ITGA9: variants seen among roughly 807,000 people sequenced by gnomAD.
ITGA9 encodes the protein integrin subunit alpha 9.
A neutral mutation model predicts 127.8 loss-of-function variants in ITGA9; 56 were observed. The observed-to-expected ratio is 0.44, with a 90% CI of 0.35 to 0.55. The LOEUF is 0.55. Ranked by LOEUF, ITGA9 falls within the 20% of genes least tolerant of loss-of-function variation. ITGA9 has a pLI of 0.00. For missense variants in ITGA9, 1,196 were observed against 1,347.1 expected (o/e 0.89, Z 1.76); for synonymous variants, 508 against 514.5 (o/e 0.99, Z 0.17).
At chr3:37,811,412 C>A (rs1384549022) in intron 27 of ITGA9, among the ~76,000 whole-genome samples, 2 of 152,136 alleles carry the variant, frequency 1.3e-5, no homozygotes, top group African/African-American at 2.4e-5. Flanking sequence ...GTGTGACTGG[C>A]ACCTTTAAGA....
At chr3:37,654,816 T>A (rs960050789) in intron 17 of ITGA9, among the ~76,000 whole-genome samples, 3 of 152,070 alleles carry the variant, frequency 2.0e-5, no homozygotes, top group Non-Finnish European at 4.4e-5. Flanking sequence ...CTACATTAGG[T>A]ATTTCTCCTA....
At chr3:37,691,162 G>A (rs1700828445) in intron 18 of ITGA9, among the ~76,000 whole-genome samples, 1 of 152,172 alleles carries the variant, frequency 6.6e-6, no homozygotes, top group Admixed American at 6.5e-5. Context: ...AAGTGGGCTG[G>A]AGCACCCTGA....
chr3:37,618,767 C>G (rs112184679), intron 15 of ITGA9, among the ~76,000 whole-genome samples: 2 of 152,218 alleles, frequency 1.3e-5, no homozygotes, highest in East Asian at 1.9e-4. Flanking sequence ...GAGCTAGGCA[C>G]GGGATATAAT....
At chr3:37,501,739 C>T (rs570126092) in intron 5 of ITGA9, among the ~76,000 whole-genome samples, 124 of 152,010 alleles carry the variant, frequency 8.2e-4, no homozygotes, top group Non-Finnish European at 1.6e-3. Flanking sequence ...TTGAATACTG[C>T]GAAAGGGTTA....
intron 15 of ITGA9, among the ~76,000 whole-genome samples, chr3:37,619,587 G>A (rs1485594131): frequency 6.6e-6 from 1 of 152,174 alleles, no homozygotes; most frequent in Admixed American, 6.5e-5. Context: ...AATGGGGCAG[G>A]TATTAGTTTT....
intron 15 of ITGA9, among the ~76,000 whole-genome samples, chr3:37,556,725 C>T (rs150784751): frequency 2.0e-5 from 3 of 152,338 alleles, no homozygotes; most frequent in African/African-American, 7.2e-5. Flanking sequence ...CCAAAAGTTA[C>T]AGGGGAAAAC....
At position 37,629,254 on chromosome 3, in the gene ITGA9, C is replaced by G; in HGVS notation, c.1757C>G (p.Thr586Ser). ...GCCTACAGCCTCAGTGAGCATGTGA[C>G]TGGAGAGGAGGAGAGGGAACTGCCG... Reference protein sequence around the residue: ...EAAYSLSEHVTGEEERELPPL... With the variant: ...EAAYSLSEHVSGEEERELPPL... The change falls in exon 16 of 28, where the codon ACT becomes AGT. Residue 586 changes from threonine to serine, a missense_variant. Coordinates refer to ENST00000264741, the MANE Select transcript of ITGA9 (RefSeq NM_002207.3). This position sits in a 1 kb window ranked among gnomAD's most constrained non-coding sequence, Gnocchi z 4.5. The G allele has an allele frequency of 6.2e-7, 1 of 1,613,938 alleles. No individual in the cohort carries two copies. Among genetic ancestry groups the G allele is most frequent in the Non-Finnish European group, 8.5e-7 (1 of 1,179,998 alleles).
intron 18 of ITGA9, among the ~76,000 whole-genome samples, chr3:37,692,864 G>A (rs1229500241): frequency 2.6e-5 from 4 of 152,144 alleles, no homozygotes; most frequent in Non-Finnish European, 4.4e-5. Context: ...GGAGGAGTGC[G>A]GTATGGGATT....
At chr3:37,761,301 A>C (rs1696720499) in intron 23 of ITGA9, among the ~76,000 whole-genome samples, 1 of 152,196 alleles carries the variant, frequency 6.6e-6, no homozygotes, top group Non-Finnish European at 1.5e-5. Context: ...TAACTACCAA[A>C]ATTTAAAATA....
chr3:37,556,506 C>G (rs1699432525), intron 15 of ITGA9, among the ~76,000 whole-genome samples: 1 of 152,218 alleles, frequency 6.6e-6, no homozygotes, highest in Non-Finnish European at 1.5e-5. Flanking sequence ...TTCTTTCTCT[C>G]TGGACCAGAG....
chr3:37,736,173 C>T (rs1696358914), intron 19 of ITGA9, among the ~76,000 whole-genome samples: 1 of 152,140 alleles, frequency 6.6e-6, no homozygotes, highest in Non-Finnish European at 1.5e-5. Context: ...TTCCAAAGAC[C>T]CCATCTCCAC....
chr3:37,785,008 G>A lies in ITGA9; in HGVS notation c.2819G>A (p.Arg940His), dbSNP rs767333339. Reference sequence around the variant, plus strand: ...TCGTCTGTCATCCAGTTCATGTCCCGCGCCAAGGTGAAGGTGGATCCTGCC... The same window carrying A: ...TCGTCTGTCATCCAGTTCATGTCCCACGCCAAGGTGAAGGTGGATCCTGCC... ...DSSSVIQFMS[R>H]AKVKVDPALR... The change falls in exon 26 of 28, where the codon CGC (arginine) becomes CAC (histidine). Residue 940 changes from arginine to histidine, a missense_variant. Physicochemically the swap from Arg to His is conservative, Grantham distance 29. Transcript: ENST00000264741. 24 of 1,613,934 alleles carry A rather than the reference G, an allele frequency of 1.5e-5. No individual in the cohort carries two copies. The highest frequency in any genetic ancestry group is 9.9e-5 in the South Asian group (9 of 91,072).
At chr3:37,769,204 G>C (rs560303933) in intron 23 of ITGA9, among the ~76,000 whole-genome samples, 1 of 151,990 alleles carries the variant, frequency 6.6e-6, no homozygotes, top group African/African-American at 2.4e-5. Flanking sequence ...CAGGCATGGT[G>C]GCACACACCC....
chr3:37,573,505 G>A (rs1043202997), intron 15 of ITGA9, among the ~76,000 whole-genome samples: 5 of 152,148 alleles, frequency 3.3e-5, no homozygotes, highest in Non-Finnish European at 7.3e-5. Flanking sequence ...GTCCCCTGGG[G>A]TGTCTTTGCC....
At chr3:37,686,741 T>G (rs1313597074) in intron 18 of ITGA9, among the ~76,000 whole-genome samples, 1 of 152,106 alleles carries the variant, frequency 6.6e-6, no homozygotes, top group Non-Finnish European at 1.5e-5. Flanking sequence ...TTGTAGCTGC[T>G]GTGGAGGCAG....
Position 37,526,089 on chromosome 3 carries a change from T to A in ITGA9, c.1373+18T>A. ...CTTCTCAGGTGAGAGGCCCCACTCT[T>A]GCTCCTTGAATTGTGCTGTTCAGGG... On this transcript the variant is annotated intron_variant, in intron 13 of 27. Coordinates refer to ENST00000264741, the MANE Select transcript of ITGA9 (RefSeq NM_002207.3). The A allele has an allele frequency of 6.2e-7, 1 of 1,610,958 alleles. No individual in the cohort carries two copies. The highest frequency in any genetic ancestry group is 1.1e-5 in the South Asian group (1 of 90,988).
At chr3:37,613,628 G>T (rs367805389) in intron 15 of ITGA9, among the ~76,000 whole-genome samples, 2 of 152,158 alleles carry the variant, frequency 1.3e-5, no homozygotes, top group Non-Finnish European at 2.9e-5. Flanking sequence ...AGCACCTGTT[G>T]TTTCCTGACT....
At chr3:37,637,945 T>G (rs1027457132) in intron 16 of ITGA9, among the ~76,000 whole-genome samples, 1 of 152,182 alleles carries the variant, frequency 6.6e-6, no homozygotes, top group Non-Finnish European at 1.5e-5. Flanking sequence ...AGTGTTGGGA[T>G]TACAGGTGTG....
intron 15 of ITGA9, among the ~76,000 whole-genome samples, chr3:37,588,455 C>T (rs1699781467): frequency 6.6e-6 from 1 of 152,194 alleles, no homozygotes; most frequent in Non-Finnish European, 1.5e-5. Context: ...AGGTAGGGTA[C>T]ACTCACTCAT....
Sources: gnomAD v4.1 joint callset for allele counts (sites outside exome capture counted in the v4.1 genomes callset) on GRCh38, gnomAD v4.1.1 for gene constraint, Gnocchi (gnomAD v3.1) non-coding constraint, MANE v1.5 for transcripts, NCBI Gene and HGNC (gene_info 2026-07-23, HGNC 2026-07-21) for gene names.